F8: variants seen among roughly 807,000 people sequenced by gnomAD.
The protein encoded by F8 is antihemophilic factor.
F8 carries 12 observed loss-of-function variants against 140.6 expected under a neutral mutation model. The ratio of observed to expected loss-of-function variants is 0.09; its 90% CI spans 0.05 to 0.14. The LOEUF (loss-of-function observed/expected upper bound fraction) is 0.14. Ranked by LOEUF, F8 falls within the 10% of genes least tolerant of loss-of-function variation. The pLI is 1.00. For synonymous variants in F8, 585 were observed against 614.6 expected, an observed-to-expected ratio of 0.95 and a Z score of 0.71; for missense variants, 1,354 against 1,720.7, an observed-to-expected ratio of 0.79 and a Z score of 3.77.
chrX:154,896,510 C>T (rs1278974064), intron 21 of F8, among the ~76,000 whole-genome samples: 5 of 49,241 alleles, frequency 1.0e-4, no homozygotes, highest in Non-Finnish European at 1.6e-4. Flanking sequence ...ATTTCGTACA[C>T]ACACACACAC....
At chrX:154,951,277 A>C (rs1365816347) in intron 12 of F8, among the ~76,000 whole-genome samples, 2 of 112,116 alleles carry the variant, frequency 1.8e-5, no homozygotes, top group Non-Finnish European at 3.8e-5. Flanking sequence ...ACAAAATTAT[A>C]AAACAAACAT....
chrX:154,980,244 C>G (rs2073510506), intron 6 of F8, among the ~76,000 whole-genome samples: 1 of 111,756 alleles, frequency 8.9e-6, no homozygotes, highest in South Asian at 3.7e-4. Context: ...GATAACCTGT[C>G]TTTGAGCTTG....
At chrX:155,019,117 G>A (rs5987079) in intron 1 of F8, among the ~76,000 whole-genome samples, 37,164 of 110,750 alleles carry the variant, frequency 0.34, 5,000 homozygotes, top group African/African-American at 0.49. Flanking sequence ...TTGTTCATCA[G>A]CATATCAAAG....
intron 25 of F8, among the ~76,000 whole-genome samples, chrX:154,859,163 G>A (rs1258095980): frequency 2.7e-5 from 3 of 111,762 alleles, no homozygotes; most frequent in Non-Finnish European, 5.7e-5. Flanking sequence ...AGCTCATCCA[G>A]AGAGACAGAG....
intron 14 of F8, among the ~76,000 whole-genome samples, chrX:154,917,751 T>C (rs782248244): frequency 1.6e-4 from 18 of 112,218 alleles, no homozygotes; most frequent in African/African-American, 5.8e-4. Context: ...CGTTCAGTTG[T>C]ATTTCTCAGC....
rs1557278288 is a variant in F8, at chrX:154,928,761, C to G, written c.5029G>C (p.Asp1677His). The change falls in exon 14 of 26, where the codon GAT (aspartate) becomes CAT (histidine). Residue 1677 changes from aspartate (D) to histidine (H), a missense_variant. Coordinates refer to ENST00000360256, the MANE Select transcript of F8 (RefSeq NM_000132.4). ...REITRTTLQS[D>H]QEEIDYDDTI... ...TCATCATAGTCAATTTCCTCTTGAT[C>G]TGACTGAAGAGTAGTACGAGTTATT... 8.3e-7 allele frequency: 1 copy of G among 1,211,477 alleles called. No homozygotes were observed. Among genetic ancestry groups the G allele is most frequent in the South Asian group, 1.8e-5 (1 of 56,920 alleles).
chrX:154,855,940 C>T (rs1238514049), intron 25 of F8, among the ~76,000 whole-genome samples: 3 of 111,415 alleles, frequency 2.7e-5, no homozygotes, highest in African/African-American at 6.5e-5. Flanking sequence ...TGTGAGATAA[C>T]GGTGGAAGGC....
intron 25 of F8, among the ~76,000 whole-genome samples, chrX:154,845,070 T>C (rs2072553852): frequency 8.9e-6 from 1 of 112,096 alleles, no homozygotes; most frequent in South Asian, 3.7e-4. Flanking sequence ...TTGTCTTTGG[T>C]TCTGTTTATA....
chrX:154,931,722 T>C, intron 13 of F8, 46 bp from the exon 14 acceptor site: 1 of 1,078,186 alleles, frequency 9.3e-7, no homozygotes, highest in African/African-American at 1.8e-5. Flanking sequence ...TAACACAGAT[T>C]CTAAAACGTT....
chrX:154,981,840 A>G (rs1231395438), intron 6 of F8, among the ~76,000 whole-genome samples: 1 of 111,383 alleles, frequency 9.0e-6, no homozygotes, highest in Admixed American at 9.5e-5. Context: ...TGGACCACAT[A>G]GGGTAAAAAT....
chrX:154,987,989 A>G (rs1557284393), intron 4 of F8, among the ~76,000 whole-genome samples: 1 of 111,974 alleles, frequency 8.9e-6, no homozygotes, highest in African/African-American at 3.3e-5. Context: ...TAATGCTTAG[A>G]AATAAAAATT....
intron 14 of F8, chrX:154,919,022 T>A (rs2073115113): frequency 9.0e-6 from 1 of 110,885 alleles, no homozygotes; most frequent in African/African-American, 3.3e-5. Context: ...CATTTATAGA[T>A]CAGATGACCA....
intron 1 of F8, among the ~76,000 whole-genome samples, chrX:155,010,379 G>C (rs1216493503): frequency 9.0e-6 from 1 of 111,622 alleles, no homozygotes; most frequent in Non-Finnish European, 1.9e-5. Context: ...CTGACCTGTG[G>C]TTAGAAGAAA....
At chrX:154,842,050 A>C (rs2072526114) in intron 25 of F8, among the ~76,000 whole-genome samples, 1 of 111,999 alleles carries the variant, frequency 8.9e-6, no homozygotes, top group South Asian at 3.6e-4. Flanking sequence ...GGATTTTTTA[A>C]ATTAATAACC....
chrX:154,847,980 C>A (rs138703929), intron 25 of F8, among the ~76,000 whole-genome samples: 6,860 of 112,002 alleles, frequency 0.061, 549 homozygotes, highest in African/African-American at 0.22. Context: ...GATGTCCTTT[C>A]TGTTTGTTAG....
At chrX:154,935,782 A>G (rs1341827102) in intron 13 of F8, among the ~76,000 whole-genome samples, 3 of 111,739 alleles carry the variant, frequency 2.7e-5, no homozygotes, top group Non-Finnish European at 3.8e-5. Context: ...GAACAACTAG[A>G]AGGAAAAATA....
At chrX:154,919,606 G>A in intron 14 of F8, 1 of 795,809 alleles carries the variant, frequency 1.3e-6, no homozygotes. Context: ...CTGCTTGGTG[G>A]CATTGTTCTT....
At chrX:154,896,993 G>A (rs781814498) in intron 21 of F8, among the ~76,000 whole-genome samples, 1 of 112,055 alleles carries the variant, frequency 8.9e-6, no homozygotes, top group Non-Finnish European at 1.9e-5. Flanking sequence ...GGGTTAAAGA[G>A]TTAATACATG....
chrX:154,982,670 G>A (rs1557283847), intron 6 of F8, among the ~76,000 whole-genome samples: 1 of 110,576 alleles, frequency 9.0e-6, no homozygotes, highest in Non-Finnish European at 1.9e-5. Context: ...AATCGCAACT[G>A]CATAAAATTA....
Sources: allele counts gnomAD v4.1 joint callset (sites outside exome capture counted in the v4.1 genomes callset), GRCh38; gene constraint gnomAD v4.1.1; transcripts MANE v1.5; gene names NCBI Gene and HGNC (gene_info 2026-07-23, HGNC 2026-07-21).